CITED1: variants seen among roughly 807,000 people sequenced by gnomAD.
CITED1 encodes Cbp/p300 interacting transactivator with ED-rich tail 1.
In CITED1, 3 loss-of-function variants were observed where a neutral mutation model predicts 8.5. That is an observed-to-expected ratio of 0.35 (90% CI 0.16 to 0.91). The LOEUF is 0.91. CITED1 is among the 40% of genes least tolerant of loss of function. The probability of loss-of-function intolerance (pLI) is 0.46; values close to 1 mark genes in which losing one functional copy is unlikely to be tolerated. For synonymous variants in CITED1, 54 were observed against 67.4 expected (o/e 0.80, Z 0.97); for missense variants, 113 against 154.8 (o/e 0.73, Z 1.43).
At chrX:72,303,019 C>T in intron 1 of CITED1, 85 bp from the exon 2 acceptor site, 4 of 1,082,659 alleles carry the variant, frequency 3.7e-6, no homozygotes, top group Non-Finnish European at 5.0e-6. Context: ...AGGGCAATGC[C>T]ACGCAGCTAT....
intron 1 of CITED1, 87 bp from the exon 2 acceptor site, chrX:72,303,021 C>G: frequency 9.3e-7 from 1 of 1,071,606 alleles, no homozygotes; most frequent in Non-Finnish European, 1.3e-6. Context: ...GGCAATGCCA[C>G]GCAGCTATGA....
upstream of CITED1, chrX:72,306,649 G>A (rs1184843655): frequency 1.8e-5 from 2 of 110,511 alleles, no homozygotes; most frequent in Non-Finnish European, 3.8e-5. Flanking sequence ...GGGCGCCTGG[G>A]AAAAGCCCGC....
chrX:72,306,791 T>C (rs1602481524), upstream of CITED1: 1 of 86,095 alleles, frequency 1.2e-5, no homozygotes, highest in Non-Finnish European at 2.2e-5. Flanking sequence ...CCGCGCTCCC[T>C]TCCCGGCGCT....
chrX:72,307,117 C>T (rs2043349170), upstream of CITED1: 1 of 110,956 alleles, frequency 9.0e-6, no homozygotes, highest in Admixed American at 9.4e-5. Flanking sequence ...GGCAGCCGGG[C>T]AGAGCGAGCT....
chrX:72,302,694 A>G, intron 2 of CITED1, 116 bp downstream of exon 2: 1 of 625,260 alleles, frequency 1.6e-6, no homozygotes, highest in Non-Finnish European at 2.5e-6. Context: ...CCCCAGAGAT[A>G]GTCCTGTTGT....
chrX:72,306,607 CCCGCGG>C (rs1343593853), upstream of CITED1: 8 of 111,237 alleles, frequency 7.2e-5, no homozygotes, highest in African/African-American at 2.6e-4. Flanking sequence ...GCGCTCAGCG[CCCGCGG>C]CCGCGCCGTT....
chrX:72,305,180 G>T, intron 1 of CITED1: 1 of 684,683 alleles, frequency 1.5e-6, no homozygotes, highest in Non-Finnish European at 2.2e-6. Context: ...GCCTTCCCTT[G>T]GGCGAGCAGC....
At chrX:72,303,284 A>G (rs1245780007) in intron 1 of CITED1, among the ~76,000 whole-genome samples, 1 of 112,987 alleles carries the variant, frequency 8.9e-6, no homozygotes, top group African/African-American at 3.2e-5. Flanking sequence ...GTCCCTGAGT[A>G]AGCAACATAT....
At chrX:72,305,973 G>T (rs984997425), upstream of CITED1, 2 of 111,548 alleles carry the variant, frequency 1.8e-5, no homozygotes, top group East Asian at 2.8e-4. Flanking sequence ...GGGTGTGTGT[G>T]TGTGGGCGTG....
intron 1 of CITED1, among the ~76,000 whole-genome samples, chrX:72,303,641 C>T (rs943525439): frequency 2.7e-5 from 3 of 111,803 alleles, no homozygotes; most frequent in Non-Finnish European, 5.6e-5. Context: ...CCATTCCCAT[C>T]TATAGTGACA....
upstream of CITED1, chrX:72,306,975 T>C (rs1193291062): frequency 1.8e-5 from 2 of 108,861 alleles, no homozygotes; most frequent in Non-Finnish European, 3.8e-5. Flanking sequence ...TATTAGCACA[T>C]GTCCTGGCTC....
intron 1 of CITED1, chrX:72,305,169 G>A: frequency 1.6e-6 from 1 of 609,282 alleles, no homozygotes; most frequent in Admixed American, 3.4e-5. Flanking sequence ...CTTCGCTTCA[G>A]GCCTTCCCTT....
chrX:72,302,708 C>T, intron 2 of CITED1, 102 bp downstream of exon 2: 2 of 724,981 alleles, frequency 2.8e-6, no homozygotes, highest in Non-Finnish European at 4.1e-6. Context: ...CTGTTGTCTC[C>T]TCTCTGCTCA....
At chrX:72,304,091 AT>A in intron 1 of CITED1, 1 of 656,490 alleles carries the variant, frequency 1.5e-6, no homozygotes, top group Non-Finnish European at 1.8e-6. Flanking sequence ...TTCATGATCA[AT>A]TAGAGATGTA....
intron 2 of CITED1, 70 bp downstream of exon 2, chrX:72,302,740 A>G: frequency 1.0e-6 from 1 of 961,591 alleles, no homozygotes; most frequent in Non-Finnish European, 1.4e-6. Flanking sequence ...TAATGCACCT[A>G]GGAGGGCCTG....
At chrX:72,303,042 G>T in intron 1 of CITED1, 108 bp from the exon 2 acceptor site, 1 of 967,008 alleles carries the variant, frequency 1.0e-6, no homozygotes, top group Non-Finnish European at 1.4e-6. Context: ...GGCAAGGATG[G>T]TGACTGAGTT....
chrX:72,301,747 A>C lies in CITED1; in HGVS notation c.558T>G (p.Thr186=). The C allele has an allele frequency of 8.3e-7, 1 of 1,211,702 alleles. No homozygotes were observed. The highest frequency in any genetic ancestry group is 1.1e-6 in the Non-Finnish European group (1 of 895,275). Residue 186 remains threonine, a synonymous_variant, in exon 3 of 3, where the codon ACT becomes ACG. Coordinates refer to ENST00000651998, the MANE Select transcript of CITED1 (RefSeq NM_001144887.2). The stretch of plus-strand genomic sequence containing the variant: ...ATTAGCAGCTAGATGGAAAGTCCGC[A>C]GTGAAGTCAAACTCATTCTGCCCCA... ...LWLGQNEFDF[T]ADFPSSC
At chrX:72,304,861 G>C (rs752622799) in intron 1 of CITED1, among the ~76,000 whole-genome samples, 1 of 112,044 alleles carries the variant, frequency 8.9e-6, no homozygotes, top group Admixed American at 9.4e-5. Context: ...CCCAGCCTGG[G>C]TCTGCGCTCA....
chrX:72,303,226 ATGTG>A (rs1465258037), intron 1 of CITED1, among the ~76,000 whole-genome samples: 1 of 112,803 alleles, frequency 8.9e-6, no homozygotes, highest in African/African-American at 3.2e-5. Context: ...CCCAAGGTGT[ATGTG>A]TGGGGGTGAG....
Sources: allele counts gnomAD v4.1 joint callset (sites outside exome capture counted in the v4.1 genomes callset), GRCh38; gene constraint gnomAD v4.1.1; transcripts MANE v1.5; gene names NCBI Gene and HGNC (gene_info 2026-07-23, HGNC 2026-07-21).